Variants in CACNA1C observed in about 807,000 individuals in gnomAD.
CACNA1C encodes the protein voltage-dependent L-type calcium channel subunit alpha-1C.
A neutral mutation model predicts 229.0 loss-of-function variants in CACNA1C; 30 were observed. The observed-to-expected ratio is 0.13, with a 90% CI of 0.10 to 0.18. The LOEUF (loss-of-function observed/expected upper bound fraction) is 0.18, where lower values mean the gene tolerates loss of function less well. Among genes scored for constraint, CACNA1C ranks in the 10% least tolerant of loss-of-function variants. CACNA1C has a pLI of 1.00. For missense variants in CACNA1C, 1,658 were observed against 2,845.0 expected (o/e 0.58, Z 9.49); for synonymous variants, 1,114 against 1,132.5 (o/e 0.98, Z 0.33).
At chr12:2,086,536 G>C (rs1432171699) in intron 1 of CACNA1C, among the ~76,000 whole-genome samples, 1 of 152,188 alleles carries the variant, frequency 6.6e-6, no homozygotes, top group Non-Finnish European at 1.5e-5. Flanking sequence ...AAGGCTAGCA[G>C]CTGTTACAAG....
intron 3 of CACNA1C, among the ~76,000 whole-genome samples, chr12:2,351,984 T>C (rs1037199045): frequency 1.3e-5 from 2 of 152,248 alleles, no homozygotes; most frequent in African/African-American, 4.8e-5. Flanking sequence ...AAGACCTTAG[T>C]AACCTGCCCT....
chr12:2,295,499 G>C (rs2093953945), intron 3 of CACNA1C, among the ~76,000 whole-genome samples: 1 of 152,136 alleles, frequency 6.6e-6, no homozygotes, highest in Non-Finnish European at 1.5e-5. Context: ...GAATTTTCTT[G>C]TACTTCCTTT....
At position 1,971,134 on chromosome 12, in the gene CACNA1C, G is replaced by A. The variant is rs1341484432; in HGVS notation, c.72G>A (p.Thr24=). 3.9e-6 allele frequency: 5 copies of A among 1,289,278 alleles called. No homozygotes were observed. Among genetic ancestry groups the A allele is most frequent in the South Asian group, 3.7e-5 (3 of 81,014 alleles). The allele number at this position is 1,289,278 out of a possible 1,614,324, so 79.9% of individuals were successfully genotyped here. ...TTCCCAGCCACCTGTCTGCCAACAC[G>A]GAGGTCAAGTTTAAGGGTACTTTGG... is the stretch of plus-strand genomic sequence containing the variant. The change falls in exon 1 of 47, where the codon ACG becomes ACA. Residue 24 remains threonine, a synonymous_variant. Transcript: ENST00000682462. The surrounding 1 kb of genome is among the most constrained non-coding windows in gnomAD (Gnocchi z 4.2).
rs759607145 is a variant in CACNA1C, at chr12:2,575,407, A to G, written c.1896-6183A>G. 1.1e-4 allele frequency among the ~76,000 whole-genome samples: 17 copies of G among 152,060 alleles called. No homozygotes were observed. The highest frequency in any genetic ancestry group is 1.6e-4 in the Non-Finnish European group (11 of 68,016). On this transcript the variant is annotated intron_variant, in intron 13 of 46. Transcript: ENST00000399655. This position sits in a 1 kb window ranked among gnomAD's most constrained non-coding sequence, Gnocchi z 4.0. ...GGGCATCCTAATCCCTCCCAGCTCT[A>G]TTGTGTCTTAAGGGGCTGGGGCTCA...
intron 3 of CACNA1C, among the ~76,000 whole-genome samples, chr12:2,260,011 C>A (rs1185409711): frequency 6.6e-6 from 1 of 152,202 alleles, no homozygotes; most frequent in African/African-American, 2.4e-5. Context: ...CCACCAGCAT[C>A]CACCAGACTG....
chr12:2,001,948 A>G (rs1327959449), intron 1 of CACNA1C, among the ~76,000 whole-genome samples: 2 of 152,214 alleles, frequency 1.3e-5, no homozygotes, highest in African/African-American at 4.8e-5. Context: ...AAGGACTGAC[A>G]GCTGGAAAAT....
chr12:2,163,568 G>A (rs2096032216), intron 3 of CACNA1C, among the ~76,000 whole-genome samples: 1 of 152,118 alleles, frequency 6.6e-6, no homozygotes. Flanking sequence ...TTCTAGTGGG[G>A]GTAAGGAAAA....
chr12:2,212,705 T>A (rs1311445267), intron 3 of CACNA1C, among the ~76,000 whole-genome samples: 3 of 152,162 alleles, frequency 2.0e-5, no homozygotes, highest in African/African-American at 7.2e-5. Flanking sequence ...CTTCCCCACT[T>A]CCTCTTTCCT....
At chr12:2,437,873 ATGG>A (rs1253213998) in intron 3 of CACNA1C, among the ~76,000 whole-genome samples, 2 of 110,676 alleles carry the variant, frequency 1.8e-5, no homozygotes, top group Admixed American at 9.3e-5. Context: ...GGTGGTGGTA[ATGG>A]TGGTGGCGGT....
intron 1 of CACNA1C, among the ~76,000 whole-genome samples, chr12:1,979,658 C>G (rs186094122): frequency 6.6e-6 from 1 of 152,186 alleles, no homozygotes; most frequent in Non-Finnish European, 1.5e-5. Context: ...TTGGATCATA[C>G]GCTAGTTATA....
At chr12:2,116,371 CTT>C (rs869196313) in intron 2 of CACNA1C, among the ~76,000 whole-genome samples, 23 of 136,730 alleles carry the variant, frequency 1.7e-4, no homozygotes, top group Admixed American at 2.2e-4. Context: ...TTGGGAAGGA[CTT>C]TTTTTTTTTT....
Position 2,682,639 on chromosome 12 carries a change from C to T in CACNA1C, c.5534C>T (p.Thr1845Met), listed in dbSNP as rs779315017. 5 of 1,612,200 alleles carry T rather than the reference C, an allele frequency of 3.1e-6. No individual in the cohort carries two copies. The highest frequency in any genetic ancestry group is 1.7e-4 in the Middle Eastern group (1 of 6,056). ...TATGAAGTGAAGATGAACCATGACA[C>T]GGAGGCCTGCAGTGAGCCCAGCCTG... ...ETYEVKMNHD[T>M]EACSEPSLLS... The change falls in exon 43 of 47, where the codon ACG (threonine) becomes ATG (methionine). Residue 1845 changes from threonine to methionine, a missense_variant. Thr to Met is a moderately conservative substitution (Grantham distance 81). Coordinates refer to ENST00000399655, the MANE Select transcript of CACNA1C (RefSeq NM_000719.7).
chr12:2,030,701 C>A (rs2048076679), intron 1 of CACNA1C, among the ~76,000 whole-genome samples: 1 of 152,204 alleles, frequency 6.6e-6, no homozygotes, highest in Non-Finnish European at 1.5e-5. Flanking sequence ...CAGGCCACAG[C>A]AGGGCAGAGA....
chr12:2,484,700 C>T (rs550219114), intron 5 of CACNA1C, among the ~76,000 whole-genome samples: 1 of 121,626 alleles, frequency 8.2e-6, no homozygotes, highest in East Asian at 2.9e-4. Context: ...GAAGACGTCC[C>T]CCACCCCCCA....
chr12:2,377,834 A>C (rs114894164), intron 3 of CACNA1C, among the ~76,000 whole-genome samples: 2,650 of 152,244 alleles, frequency 0.017, 69 homozygotes, highest in African/African-American at 0.06. Flanking sequence ...CTTCTCCATG[A>C]TTTCTGAAGA....
chr12:2,440,016 T>C (rs2099203965), intron 3 of CACNA1C, among the ~76,000 whole-genome samples: 1 of 152,138 alleles, frequency 6.6e-6, no homozygotes, highest in African/African-American at 2.4e-5. Context: ...TGCCCAGCCC[T>C]TCTTCCCAGT....
intron 3 of CACNA1C, among the ~76,000 whole-genome samples, chr12:2,242,998 G>A (rs1164830255): frequency 1.3e-5 from 2 of 152,210 alleles, no homozygotes; most frequent in African/African-American, 4.8e-5. Context: ...AGCTGGCTGT[G>A]TCATTTGGGT....
intron 3 of CACNA1C, among the ~76,000 whole-genome samples, chr12:2,356,400 A>T (rs2097364121): frequency 6.6e-6 from 1 of 152,244 alleles, no homozygotes; most frequent in Non-Finnish European, 1.5e-5. Context: ...CAGAGTCTAT[A>T]CTGAGAGGCA....
At chr12:2,120,692 GTGTGTT>G (rs1555200310) in intron 3 of CACNA1C, among the ~76,000 whole-genome samples, 1 of 150,540 alleles carries the variant, frequency 6.6e-6, no homozygotes, top group Non-Finnish European at 1.5e-5. Context: ...GTGTGTGTGT[GTGTGTT>G]TAGTAGCAAA....
Sources: allele counts gnomAD v4.1 joint callset (sites outside exome capture counted in the v4.1 genomes callset), GRCh38; gene constraint gnomAD v4.1.1; non-coding constraint Gnocchi (gnomAD v3.1); transcripts MANE v1.5; gene names NCBI Gene and HGNC (gene_info 2026-07-23, HGNC 2026-07-21).